Variants in PALD1 observed in about 807,000 individuals in gnomAD.
PALD1 encodes paladin.
Under a neutral mutation model 96.0 loss-of-function variants are expected in PALD1, and 57 were observed. That is an observed-to-expected ratio of 0.59 (90% CI 0.48 to 0.74). The LOEUF (loss-of-function observed/expected upper bound fraction) is 0.74, where lower values mean the gene tolerates loss of function less well. Among genes scored for constraint, PALD1 ranks in the 30% least tolerant of loss-of-function variants. The pLI is 0.00. For synonymous variants in PALD1, 464 were observed against 473.6 expected, an observed-to-expected ratio of 0.98 and a Z score of 0.26; for missense variants, 1,063 against 1,143.7, an observed-to-expected ratio of 0.93 and a Z score of 1.02.
chr10:70,512,946 C>T (rs1846542086), intron 1 of PALD1, among the ~76,000 whole-genome samples: 1 of 152,168 alleles, frequency 6.6e-6, no homozygotes. Context: ...TTTCAAACTA[C>T]GGGTGGCTAA....
intron 1 of PALD1, among the ~76,000 whole-genome samples, chr10:70,495,550 G>C (rs953416793): frequency 6.6e-6 from 1 of 152,122 alleles, no homozygotes; most frequent in African/African-American, 2.4e-5. Flanking sequence ...GGAATTACCT[G>C]TATTGGCTGG....
At chr10:70,559,052 A>T (rs1267429680) in intron 18 of PALD1, among the ~76,000 whole-genome samples, 1 of 152,178 alleles carries the variant, frequency 6.6e-6, no homozygotes, top group Non-Finnish European at 1.5e-5. Context: ...GAAGAAAGGC[A>T]GACTTGGAGC....
intron 18 of PALD1, among the ~76,000 whole-genome samples, chr10:70,548,106 G>T (rs1354245788): frequency 6.6e-6 from 1 of 152,144 alleles, no homozygotes; most frequent in African/African-American, 2.4e-5. Flanking sequence ...AGGAGTCAGA[G>T]ACCAGACTGG....
chr10:70,524,107 TC>T (rs1846801848), intron 1 of PALD1, among the ~76,000 whole-genome samples: 1 of 152,126 alleles, frequency 6.6e-6, no homozygotes, highest in Non-Finnish European at 1.5e-5. Context: ...GAGCAGACAG[TC>T]CCTACTGATG....
the PALD1 span, among the ~76,000 whole-genome samples, chr10:70,472,635 C>T: frequency 6.6e-6 from 1 of 152,046 alleles, no homozygotes; most frequent in South Asian, 2.1e-4. Context: ...GATGGATGGT[C>T]CTGCTGCTGC....
intron 8 of PALD1, 114 bp downstream of exon 8, chr10:70,534,187 A>T (rs1280109909): frequency 5.6e-6 from 7 of 1,259,556 alleles, no homozygotes; most frequent in Non-Finnish European, 7.5e-6. Context: ...GAAATTTGGC[A>T]TCTGGGGTTC....
At chr10:70,563,235 C>T (rs1847776772) in intron 18 of PALD1, among the ~76,000 whole-genome samples, 1 of 152,130 alleles carries the variant, frequency 6.6e-6, no homozygotes, top group Admixed American at 6.5e-5. Context: ...ATAATAGATC[C>T]AGCCCAGCTC....
chr10:70,561,564 C>T (rs1370649408), intron 18 of PALD1, among the ~76,000 whole-genome samples: 1 of 152,150 alleles, frequency 6.6e-6, no homozygotes, highest in African/African-American at 2.4e-5. Context: ...GTTCACTCCC[C>T]AGTCTCTAAG....
intron 5 of PALD1, among the ~76,000 whole-genome samples, chr10:70,531,851 C>A (rs1044238020): frequency 6.6e-6 from 1 of 151,898 alleles, no homozygotes; most frequent in Non-Finnish European, 1.5e-5. Flanking sequence ...GACGTGCTTG[C>A]GCATGCCTAT....
intron 1 of PALD1, among the ~76,000 whole-genome samples, chr10:70,502,208 C>G (rs900233581): frequency 6.6e-6 from 1 of 152,182 alleles, no homozygotes; most frequent in Non-Finnish European, 1.5e-5. Flanking sequence ...TGCCTGACTT[C>G]CAACATTATA....
chr10:70,541,383 G>A, intron 16 of PALD1, 80 bp from the exon 17 acceptor site: 2 of 1,540,574 alleles, frequency 1.3e-6, no homozygotes, highest in Non-Finnish European at 1.8e-6. Flanking sequence ...CATCAGTCTT[G>A]GGCAGCCCCC....
the PALD1 span, among the ~76,000 whole-genome samples, chr10:70,463,680 A>C: frequency 6.6e-6 from 1 of 152,178 alleles, no homozygotes; most frequent in South Asian, 2.1e-4. Flanking sequence ...AAAAAAAACC[A>C]GGAAAACATC....
chr10:70,530,725 A>C (rs1846974652), intron 4 of PALD1, among the ~76,000 whole-genome samples: 1 of 152,192 alleles, frequency 6.6e-6, no homozygotes, highest in Non-Finnish European at 1.5e-5. Context: ...TGAGTGAGAC[A>C]GAATGGGGTG....
chr10:70,533,525 T>C (rs1847040800), intron 7 of PALD1, among the ~76,000 whole-genome samples: 1 of 152,196 alleles, frequency 6.6e-6, no homozygotes, highest in African/African-American at 2.4e-5. Flanking sequence ...ACCTCACCTC[T>C]CTAGACCTCA....
intron 18 of PALD1, among the ~76,000 whole-genome samples, chr10:70,551,870 A>G (rs1354830128): frequency 6.6e-6 from 1 of 151,876 alleles, no homozygotes; most frequent in Non-Finnish European, 1.5e-5. Context: ...AGTAAGTACC[A>G]AAAGCTTAGG....
chr10:70,563,277 C>G (rs527434599), intron 18 of PALD1, among the ~76,000 whole-genome samples: 1 of 152,316 alleles, frequency 6.6e-6, no homozygotes, highest in Admixed American at 6.5e-5. Context: ...CTCCCTCCAG[C>G]CAGGCCAGCC....
chr10:70,553,994 C>G (rs925290956), intron 18 of PALD1, among the ~76,000 whole-genome samples: 1 of 152,254 alleles, frequency 6.6e-6, no homozygotes, highest in Non-Finnish European at 1.5e-5. Flanking sequence ...CGACCCTTCT[C>G]TCTATGCCTG....
At chr10:70,494,161 C>T (rs1044625329) in intron 1 of PALD1, among the ~76,000 whole-genome samples, 6 of 152,208 alleles carry the variant, frequency 3.9e-5, no homozygotes, top group African/African-American at 1.2e-4. Flanking sequence ...TCCAGAGAGC[C>T]ACAGGGCTGC....
At chr10:70,520,794 C>T (rs190155209) in intron 1 of PALD1, among the ~76,000 whole-genome samples, 51 of 143,686 alleles carry the variant, frequency 3.5e-4, no homozygotes, top group African/African-American at 1.3e-3. Context: ...TGGGTTTAAG[C>T]GACTCTCCTG....
Sources: gnomAD v4.1 joint callset for allele counts (sites outside exome capture counted in the v4.1 genomes callset) on GRCh38, gnomAD v4.1.1 for gene constraint, MANE v1.5 for transcripts, NCBI Gene and HGNC (gene_info 2026-07-23, HGNC 2026-07-21) for gene names.